MEGF11: variants seen among roughly 807,000 people sequenced by gnomAD.
MEGF11 encodes multiple EGF like domains 11.
In MEGF11, 126 loss-of-function variants were observed where a neutral mutation model predicts 146.6. The observed-to-expected ratio is 0.86, with a 90% CI of 0.74 to 1.00. The LOEUF (loss-of-function observed/expected upper bound fraction) is 1.00. MEGF11 is among the 50% of genes least tolerant of loss of function. The probability of loss-of-function intolerance (pLI) is 0.00; values close to 1 mark genes in which losing one functional copy is unlikely to be tolerated. For synonymous variants in MEGF11, 532 were observed against 583.4 expected (o/e 0.91, Z 1.27); for missense variants, 1,509 against 1,521.2 (o/e 0.99, Z 0.13).
chr15:65,942,092 C>G (rs1027091709), intron 10 of MEGF11, among the ~76,000 whole-genome samples: 2 of 152,068 alleles, frequency 1.3e-5, no homozygotes, highest in African/African-American at 2.4e-5. Context: ...AAACCAAGGC[C>G]GGAGAGGTCG....
At chr15:66,198,477 C>CTTTTTTG (rs1232746331) in intron 1 of MEGF11, among the ~76,000 whole-genome samples, 2 of 152,140 alleles carry the variant, frequency 1.3e-5, no homozygotes, top group Non-Finnish European at 2.9e-5. Context: ...AAGTCACTTT[C>CTTTTTTG]TTTTTTGTTT....
At chr15:66,249,723 G>A (rs1326386075) in intron 1 of MEGF11, among the ~76,000 whole-genome samples, 1 of 152,064 alleles carries the variant, frequency 6.6e-6, no homozygotes, top group East Asian at 1.9e-4. Flanking sequence ...GTCCAAGTGT[G>A]GTCTCCAGAA....
At position 66,123,996 on chromosome 15, in the gene MEGF11, C is replaced by A; in HGVS notation, c.103G>T (p.Ala35Ser). 1 of 1,613,328 alleles carries A rather than the reference C, an allele frequency of 6.2e-7. No homozygotes were observed. Among genetic ancestry groups the A allele is most frequent in the African/African-American group, 1.3e-5 (1 of 75,034 alleles). Residue 35 changes from alanine (A) to serine (S), a missense_variant, in exon 3 of 26, where the codon GCT becomes TCT. Coordinates refer to ENST00000395614, the MANE Select transcript of MEGF11 (RefSeq NM_001385028.1). ...PNVCSHWESY[A>S]VTVQESYAHP... ...GCATACGATTCCTGGACAGTCACAG[C>A]ATAGCTGAGAACCAGATGGGAGATA... is the stretch of plus-strand genomic sequence containing the variant.
At chr15:66,137,506 T>A (rs2088946186) in intron 1 of MEGF11, among the ~76,000 whole-genome samples, 1 of 151,950 alleles carries the variant, frequency 6.6e-6, no homozygotes, top group South Asian at 2.1e-4. Context: ...TCGGAGTATG[T>A]TAAAAACATT....
intron 4 of MEGF11, among the ~76,000 whole-genome samples, chr15:66,109,880 C>T (rs2087299986): frequency 6.6e-6 from 1 of 152,216 alleles, no homozygotes; most frequent in Admixed American, 6.5e-5. Flanking sequence ...TTTATCAGTA[C>T]TCAGGGCTGG....
At chr15:65,946,734 A>G (rs1356968416) in intron 10 of MEGF11, among the ~76,000 whole-genome samples, 1 of 152,170 alleles carries the variant, frequency 6.6e-6, no homozygotes, top group Non-Finnish European at 1.5e-5. Context: ...ATCTCCCGAC[A>G]CAGAGAATGG....
intron 5 of MEGF11, among the ~76,000 whole-genome samples, chr15:66,003,565 C>A (rs183324924): frequency 6.6e-6 from 1 of 152,234 alleles, no homozygotes; most frequent in African/African-American, 2.4e-5. Context: ...CCGTGGTGGC[C>A]ACAGACTGTT....
At chr15:66,017,930 G>A (rs1207004657) in intron 5 of MEGF11, among the ~76,000 whole-genome samples, 2 of 152,212 alleles carry the variant, frequency 1.3e-5, no homozygotes, top group African/African-American at 4.8e-5. Context: ...GACAAGAGAG[G>A]GTTTCAGGGA....
chr15:65,996,510 G>T (rs1162358063), intron 5 of MEGF11, among the ~76,000 whole-genome samples: 1 of 149,166 alleles, frequency 6.7e-6, no homozygotes. Flanking sequence ...ATCTCAGATG[G>T]AGTCTCACTC....
At position 65,896,053 on chromosome 15, in the gene MEGF11, C is replaced by G. The variant is rs1039034510; in HGVS notation, c.*1881G>C. The G allele has an allele frequency of 1.3e-5, 2 of 152,278 alleles. No individual in the cohort carries two copies. Among genetic ancestry groups the G allele is most frequent in the African/African-American group, 4.8e-5 (2 of 41,462 alleles). The allele number at this position is 152,278 out of a possible 1,614,324, so 9.4% of individuals were successfully genotyped here. ...TGAGTTGAAGTTTCTCCTTGCTGATCTGACATCTTCATGCTGCTCATCCTT... is the reference window on the plus strand; with the variant it reads ...TGAGTTGAAGTTTCTCCTTGCTGATGTGACATCTTCATGCTGCTCATCCTT... On this transcript the variant is annotated 3_prime_UTR_variant, in exon 26 of 26. Transcript: ENST00000395614.
At chr15:66,145,351 T>A (rs1190643180) in intron 1 of MEGF11, among the ~76,000 whole-genome samples, 2 of 150,262 alleles carry the variant, frequency 1.3e-5, no homozygotes, top group East Asian at 2.1e-4. Flanking sequence ...AAAAAAAAAA[T>A]TCAATATTGG....
At chr15:65,926,165 A>G (rs2079364530) in intron 13 of MEGF11, among the ~76,000 whole-genome samples, 1 of 152,226 alleles carries the variant, frequency 6.6e-6, no homozygotes, top group Non-Finnish European at 1.5e-5. Context: ...CTGCCAATAT[A>G]AAGGCTTGGT....
rs530981788 is a variant in MEGF11 at position 66,078,016 on chromosome 15, C to T, written c.394+16386G>A. On this transcript the variant is annotated intron_variant, in intron 5 of 25. Coordinates refer to ENST00000395614, the MANE Select transcript of MEGF11 (RefSeq NM_001385028.1). The stretch of plus-strand genomic sequence containing the variant: ...GTGGCCCAATTGGCGTTTCAGTAGC[C>T]TCCCCACCTCCCAAGTGTGGGAGGG... Among the ~76,000 whole-genome samples, 5 of 152,228 alleles carry T rather than the reference C, an allele frequency of 3.3e-5. No individual in the cohort carries two copies. The East Asian group carries it at 5.8e-4, about 18-fold the overall frequency.
At chr15:66,071,795 A>T (rs1055542062) in intron 5 of MEGF11, among the ~76,000 whole-genome samples, 3 of 152,208 alleles carry the variant, frequency 2.0e-5, no homozygotes, top group African/African-American at 7.2e-5. Flanking sequence ...CCAACTCCGC[A>T]TTCCTCCCTG....
chr15:66,075,855 A>G (rs1276746068), intron 5 of MEGF11, among the ~76,000 whole-genome samples: 1 of 152,188 alleles, frequency 6.6e-6, no homozygotes, highest in African/African-American at 2.4e-5. Context: ...AGGGAATGAG[A>G]TGAAGGGCAA....
At chr15:65,938,402 A>G (rs775085826) in intron 10 of MEGF11, among the ~76,000 whole-genome samples, 24 of 152,216 alleles carry the variant, frequency 1.6e-4, no homozygotes, top group Non-Finnish European at 3.1e-4. Flanking sequence ...TGGAAAGTGC[A>G]CTTGCCACCT....
At chr15:66,219,828 A>G (rs7170633) in intron 1 of MEGF11, among the ~76,000 whole-genome samples, 42,685 of 152,148 alleles carry the variant, frequency 0.28, 6,962 homozygotes, top group Non-Finnish European at 0.38. Context: ...CTTATTTATA[A>G]TAGCCCAAAC....
At position 66,000,521 on chromosome 15, in the gene MEGF11, G is replaced by C. The variant is rs150329310; in HGVS notation, c.395-18033C>G. ...CAGTCCAGCCTGGGTGACAGAGAGA[G>C]AACTGTCTCTTTGAAAAAAAAAAAG... On this transcript the variant is annotated intron_variant, in intron 5 of 25. Coordinates refer to ENST00000395614, the MANE Select transcript of MEGF11 (RefSeq NM_001385028.1). Among the ~76,000 whole-genome samples the C allele has an allele frequency of 2.9e-3, 429 of 149,362 alleles. 3 individuals carry two copies. Among genetic ancestry groups the C allele is most frequent in the African/African-American group, 0.01 (413 of 40,704 alleles).
chr15:66,027,417 TATG>T (rs901525617), intron 5 of MEGF11, among the ~76,000 whole-genome samples: 1 of 152,252 alleles, frequency 6.6e-6, no homozygotes, highest in African/African-American at 2.4e-5. Context: ...GACAGGGGCC[TATG>T]ATAAGGCAGG....
Sources: gnomAD v4.1 joint callset for allele counts (sites outside exome capture counted in the v4.1 genomes callset) on GRCh38, gnomAD v4.1.1 for gene constraint, MANE v1.5 for transcripts, NCBI Gene and HGNC (gene_info 2026-07-23, HGNC 2026-07-21) for gene names.